The following PANK1 variants were observed in gnomAD, a reference collection of about 807,000 sequenced individuals.
The protein encoded by PANK1 is pantothenic acid kinase 1.
Under a neutral mutation model 40.1 loss-of-function variants are expected in PANK1, and 18 were observed. That is an observed-to-expected ratio of 0.45 (90% CI 0.31 to 0.67). The LOEUF (loss-of-function observed/expected upper bound fraction) is 0.67, where lower values mean the gene tolerates loss of function less well. PANK1 is among the 30% of genes least tolerant of loss of function. The probability of loss-of-function intolerance (pLI) is 0.06; values close to 1 mark genes in which losing one functional copy is unlikely to be tolerated. For synonymous variants in PANK1, 242 were observed against 237.7 expected, an observed-to-expected ratio of 1.02 and a Z score of -0.17; for missense variants, 457 against 599.6, an observed-to-expected ratio of 0.76 and a Z score of 2.48.
chr10:89,592,671 A>G, intron 5 of PANK1: 1 of 520,580 alleles, frequency 1.9e-6, no homozygotes, highest in Non-Finnish European at 4.0e-6. Context: ...AAAACATGTT[A>G]ATACAACTTT....
At chr10:89,644,031 C>A in intron 1 of PANK1, 1 of 349,082 alleles carries the variant, frequency 2.9e-6, no homozygotes, top group African/African-American at 2.1e-5. Flanking sequence ...CCCAAAAAAC[C>A]CTCTCATTGG....
At chr10:89,586,864 C>T (rs939710214) in intron 6 of PANK1, among the ~76,000 whole-genome samples, 5 of 152,164 alleles carry the variant, frequency 3.3e-5, no homozygotes, top group East Asian at 1.9e-4. Context: ...GGGTGGCTCA[C>T]GCCTGTAATC....
Position 89,645,193 on chromosome 10 carries a change from T to A in PANK1, c.-302A>T. 1 of 1,588,694 alleles carries A rather than the reference T, an allele frequency of 6.3e-7. No individual in the cohort carries two copies. The highest frequency in any genetic ancestry group is 1.4e-5 in the African/African-American group (1 of 72,288). ...GGGGCTCCCGCCGCCCGCCTTCCCC[T>A]GATCCCCAGGCCGCGCGACTTCAAA... On this transcript the variant is annotated 5_prime_UTR_variant, in exon 1 of 7. Coordinates refer to ENST00000307534, the MANE Select transcript of PANK1 (RefSeq NM_148977.3).
rs1844487258 is a variant in PANK1 at position 89,593,957 on chromosome 10, C to A, written c.932G>T (p.Cys311Phe). The A allele has an allele frequency of 6.2e-7, 1 of 1,613,592 alleles. No homozygotes were observed. Among genetic ancestry groups the A allele is most frequent in the African/African-American group, 1.3e-5 (1 of 74,872 alleles). The change falls in exon 4 of 7, where the codon TGC becomes TTC. Residue 311 changes from cysteine to phenylalanine, a missense_variant. Transcript: ENST00000307534. ...AAAGGTCTCACAACCAGTCAGCAAGCAACATAGGCCTAGGAATGTTCCACC... is the reference window on the plus strand; with the variant it reads ...AAAGGTCTCACAACCAGTCAGCAAGAAACATAGGCCTAGGAATGTTCCACC... ...LGGGTFLGLC[C>F]LLTGCETFEE...
chr10:89,645,227 C>T lies in PANK1; in HGVS notation c.-336G>A, dbSNP rs2133044067. The T allele has an allele frequency of 1.3e-6, 2 of 1,599,908 alleles. No homozygotes were observed. Among genetic ancestry groups the T allele is most frequent in the South Asian group, 2.2e-5 (2 of 90,288 alleles). On this transcript the variant is annotated 5_prime_UTR_variant, in exon 1 of 7. Coordinates refer to ENST00000307534, the MANE Select transcript of PANK1 (RefSeq NM_148977.3). ...GGCCGCGCGACTTCAAACGCGGCTT[C>T]CTCGCCTCCCAGACTGGTCCCCGCC...
At chr10:89,579,833 C>G (rs2133906464), downstream of PANK1, 1 of 152,280 alleles carries the variant, frequency 6.6e-6, no homozygotes, top group Admixed American at 6.5e-5. Context: ...AAATGTAAGC[C>G]TAATGAAAGC....
chr10:89,584,945 T>G (rs1011636765), intron 6 of PANK1, among the ~76,000 whole-genome samples: 2 of 152,160 alleles, frequency 1.3e-5, no homozygotes, highest in African/African-American at 4.8e-5. Context: ...AGCCTTACTT[T>G]GCCCATCTGT....
chr10:89,597,400 T>C (rs1326093440), intron 3 of PANK1, among the ~76,000 whole-genome samples: 1 of 152,228 alleles, frequency 6.6e-6, no homozygotes, highest in African/African-American at 2.4e-5. Context: ...TCTATTAACC[T>C]GCAGGCTTCG....
At position 89,645,105 on chromosome 10, in the gene PANK1, G is replaced by A. The variant is rs1162519794; in HGVS notation, c.-214C>T. 1.4e-6 allele frequency: 2 copies of A among 1,466,664 alleles called. No homozygotes were observed. Among genetic ancestry groups the A allele is most frequent in the Non-Finnish European group, 1.8e-6 (2 of 1,116,254 alleles). 90.9% of individuals were successfully genotyped at this position (1,466,664 alleles called of 1,614,324 possible). A position where few individuals can be genotyped will look rare whatever the true frequency, so the allele number is the denominator to read the frequency against. On this transcript the variant is annotated 5_prime_UTR_variant, in exon 1 of 7. Coordinates refer to ENST00000307534, the MANE Select transcript of PANK1 (RefSeq NM_148977.3). ...CCTGCCCCCCGCGCGCCGGCCCCAC[G>A]GCGCCGGCCTGGAGCACGCCAGCCC...
chr10:89,638,158 T>C (rs1235616073), intron 1 of PANK1, among the ~76,000 whole-genome samples: 2 of 152,180 alleles, frequency 1.3e-5, no homozygotes, highest in African/African-American at 4.8e-5. Flanking sequence ...GAGCAACACA[T>C]TGAGTTATGA....
Position 89,583,407 on chromosome 10 carries a change from CAA to C in PANK1, c.*997_*998del, listed in dbSNP as rs1400926807. ...TTCCTAGATATATACATGTACAAAACAAATAGATATTACTATCTGACACCTCA... is the reference window on the plus strand; with the variant it reads ...TTCCTAGATATATACATGTACAAAACATAGATATTACTATCTGACACCTCA... On this transcript the variant is annotated 3_prime_UTR_variant, in exon 7 of 7. Transcript: ENST00000307534. The C allele has an allele frequency of 6.6e-6, 1 of 152,048 alleles. No individual in the cohort carries two copies. The allele number at this position is 152,048 out of a possible 1,614,324, so 9.4% of individuals were successfully genotyped here.
chr10:89,628,797 A>G (rs186515430), intron 1 of PANK1, among the ~76,000 whole-genome samples: 2 of 152,312 alleles, frequency 1.3e-5, no homozygotes, highest in Admixed American at 1.3e-4. Flanking sequence ...AACAAAACAG[A>G]CTGAATGAAA....
At chr10:89,622,694 G>A (rs1043122061) in intron 1 of PANK1, among the ~76,000 whole-genome samples, 13 of 152,060 alleles carry the variant, frequency 8.5e-5, no homozygotes, top group Admixed American at 3.9e-4. Context: ...AACATTTGCC[G>A]GGCATGGTGG....
chr10:89,644,223 G>A (rs997456), intron 1 of PANK1, among the ~76,000 whole-genome samples: 26,655 of 152,042 alleles, frequency 0.18, 2,666 homozygotes, highest in Non-Finnish European at 0.23. Context: ...GAGCACCCTC[G>A]GTGTGCCGCC....
intron 1 of PANK1, among the ~76,000 whole-genome samples, chr10:89,629,475 T>G (rs771240114): frequency 2.0e-5 from 3 of 152,218 alleles, no homozygotes; most frequent in Admixed American, 6.5e-5. Flanking sequence ...TTTTGGGGCA[T>G]AGTGTTCTTC....
At chr10:89,623,210 AT>A (rs899543804) in intron 1 of PANK1, among the ~76,000 whole-genome samples, 6 of 151,564 alleles carry the variant, frequency 4.0e-5, no homozygotes, top group Admixed American at 3.9e-4. Flanking sequence ...CACTTTTCTT[AT>A]TTTTTTGTTT....
At chr10:89,592,164 T>C (rs764678898) in intron 5 of PANK1, among the ~76,000 whole-genome samples, 1 of 152,232 alleles carries the variant, frequency 6.6e-6, no homozygotes, top group East Asian at 1.9e-4. Context: ...CCGTCTGAAC[T>C]GAGGGCTTCC....
rs778557909 is a variant in PANK1, at chr10:89,599,440, G to A, written c.711C>T (p.Val237=). The A allele has an allele frequency of 4.8e-5, 77 of 1,613,108 alleles. No individual in the cohort carries two copies. Among genetic ancestry groups the A allele is most frequent in the Admixed American group, 6.7e-5 (4 of 59,984 alleles). Residue 237 remains valine (V), a synonymous_variant, in exon 3 of 7, where the codon GTC becomes GTT. Coordinates refer to ENST00000307534, the MANE Select transcript of PANK1 (RefSeq NM_148977.3). The stretch of plus-strand genomic sequence containing the variant: ...GCTTGCCGTTGAAGCCAACAGAGTC[G>A]ACATAAAGCAGGCCCTGAATCAGAC... ...LDCLIQGLLY[V]DSVGFNGKPE... is the part of the protein sequence containing the mutation.
chr10:89,644,446 G>T (rs561466688), intron 1 of PANK1, among the ~76,000 whole-genome samples, 154 bp downstream of exon 1: 1 of 152,372 alleles, frequency 6.6e-6, no homozygotes, highest in East Asian at 1.9e-4. Flanking sequence ...CCTAGGAAAA[G>T]AATCAGTCCC....
Sources: gnomAD v4.1 joint callset for allele counts (sites outside exome capture counted in the v4.1 genomes callset) on GRCh38, gnomAD v4.1.1 for gene constraint, MANE v1.5 for transcripts, NCBI Gene and HGNC (gene_info 2026-07-23, HGNC 2026-07-21) for gene names.